Variants in KCNMA1 observed in about 807,000 individuals in gnomAD.
KCNMA1 encodes potassium calcium-activated channel subfamily M alpha 1.
KCNMA1 carries 29 observed loss-of-function variants against 140.0 expected under a neutral mutation model. The ratio of observed to expected loss-of-function variants is 0.21; its 90% CI spans 0.15 to 0.28. KCNMA1 has a LOEUF of 0.28. Among genes scored for constraint, KCNMA1 ranks in the 10% least tolerant of loss-of-function variants. The pLI is 1.00. For missense variants in KCNMA1, 880 were observed against 1,602.2 expected (o/e 0.55, Z 7.70); for synonymous variants, 612 against 611.9 (o/e 1.00, Z 0.00).
intron 5 of KCNMA1, among the ~76,000 whole-genome samples, chr10:77,177,341 T>C (rs1597987444): frequency 1.3e-5 from 2 of 150,124 alleles, no homozygotes; most frequent in African/African-American, 4.9e-5. Flanking sequence ...TTCCTTCCTT[T>C]CTTCCTTCCT....
chr10:77,477,026 G>A (rs1481177958), intron 1 of KCNMA1, among the ~76,000 whole-genome samples: 1 of 152,200 alleles, frequency 6.6e-6, no homozygotes, highest in African/African-American at 2.4e-5. Context: ...AAACCAGCAA[G>A]AGAACTGGCA....
chr10:76,958,376 T>G (rs2069280587), intron 20 of KCNMA1, among the ~76,000 whole-genome samples: 1 of 152,206 alleles, frequency 6.6e-6, no homozygotes, highest in African/African-American at 2.4e-5. Flanking sequence ...CATAATTAAT[T>G]CAAGGCTCAC....
chr10:77,391,641 TTTG>T (rs76730744), intron 2 of KCNMA1, among the ~76,000 whole-genome samples: 35 of 151,990 alleles, frequency 2.3e-4, no homozygotes, highest in Middle Eastern at 3.4e-3. Flanking sequence ...TGTTTGTTTG[TTTG>T]TTTTTTTCTG....
chr10:77,440,515 A>G (rs2097372484), intron 1 of KCNMA1, among the ~76,000 whole-genome samples: 1 of 152,228 alleles, frequency 6.6e-6, no homozygotes, highest in Non-Finnish European at 1.5e-5. Context: ...GACTCGGTCC[A>G]GGGGAGGGAG....
intron 3 of KCNMA1, among the ~76,000 whole-genome samples, chr10:77,189,392 G>A (rs1213624331): frequency 6.6e-6 from 1 of 152,000 alleles, no homozygotes; most frequent in East Asian, 1.9e-4. Flanking sequence ...CGAACAAGGG[G>A]GTGAAAAAAT....
At chr10:77,143,401 ACAAGTTGATT>A (rs1242020597) in intron 5 of KCNMA1, among the ~76,000 whole-genome samples, 1 of 152,176 alleles carries the variant, frequency 6.6e-6, no homozygotes, top group Non-Finnish European at 1.5e-5. Context: ...CCCCAAAAAG[ACAAGTTGATT>A]AATGAAACAG....
At chr10:77,594,287 C>T (rs2080132876) in intron 1 of KCNMA1, among the ~76,000 whole-genome samples, 1 of 152,170 alleles carries the variant, frequency 6.6e-6, no homozygotes, top group African/African-American at 2.4e-5. Context: ...CAAGAGACAA[C>T]TTCCTTTCTT....
At chr10:77,477,088 G>T (rs2098295668) in intron 1 of KCNMA1, among the ~76,000 whole-genome samples, 1 of 152,200 alleles carries the variant, frequency 6.6e-6, no homozygotes, top group Non-Finnish European at 1.5e-5. Context: ...TGCATGACTT[G>T]CCTCCTGCCG....
At chr10:77,286,469 C>A (rs7071666) in intron 2 of KCNMA1, among the ~76,000 whole-genome samples, 1 of 152,312 alleles carries the variant, frequency 6.6e-6, no homozygotes, top group East Asian at 1.9e-4. Context: ...CCTAAAATTA[C>A]GCCATATGCC....
At chr10:77,240,434 A>G (rs1050109460) in intron 3 of KCNMA1, among the ~76,000 whole-genome samples, 22 of 152,272 alleles carry the variant, frequency 1.4e-4, no homozygotes, top group East Asian at 9.7e-4. Flanking sequence ...TCTTAGAGAG[A>G]GAAGGGGTCC....
At chr10:77,445,115 G>A (rs1340959551) in intron 1 of KCNMA1, among the ~76,000 whole-genome samples, 2 of 152,094 alleles carry the variant, frequency 1.3e-5, no homozygotes, top group African/African-American at 4.8e-5. Flanking sequence ...GCAGCGTTTA[G>A]AGATGGAAAG....
intron 1 of KCNMA1, among the ~76,000 whole-genome samples, chr10:77,612,226 A>G (rs2087214293): frequency 6.6e-6 from 1 of 152,238 alleles, no homozygotes; most frequent in Non-Finnish European, 1.5e-5. Flanking sequence ...ACCCAGGCAC[A>G]TTCTAGGTCA....
intron 12 of KCNMA1, among the ~76,000 whole-genome samples, chr10:77,080,054 A>T (rs2096525950): frequency 6.6e-6 from 1 of 152,182 alleles, no homozygotes; most frequent in South Asian, 2.1e-4. Context: ...TGAGGAACAA[A>T]GAAGGCCATG....
intron 2 of KCNMA1, among the ~76,000 whole-genome samples, chr10:77,329,577 C>T (rs1025498488): frequency 6.6e-6 from 1 of 152,238 alleles, no homozygotes; most frequent in Non-Finnish European, 1.5e-5. Context: ...GTCAACCACA[C>T]AGTCTAGGTA....
intron 4 of KCNMA1, 71 bp downstream of exon 4, chr10:77,184,752 G>T (rs1230466587): frequency 1.1e-6 from 1 of 949,248 alleles, no homozygotes. Context: ...AGCAGAGGCT[G>T]AGGGGGATGA....
At chr10:77,200,867 T>C (rs1280867859) in intron 3 of KCNMA1, among the ~76,000 whole-genome samples, 2 of 152,180 alleles carry the variant, frequency 1.3e-5, no homozygotes, top group Non-Finnish European at 2.9e-5. Context: ...AAAATTACAG[T>C]GAACACTTCT....
At chr10:76,936,660 A>C (rs1477172915) in intron 23 of KCNMA1, among the ~76,000 whole-genome samples, 2 of 152,168 alleles carry the variant, frequency 1.3e-5, no homozygotes, top group African/African-American at 4.8e-5. Context: ...GTGAGGATAC[A>C]TGTATAGGTG....
chr10:77,487,834 G>A (rs901441702), intron 1 of KCNMA1, among the ~76,000 whole-genome samples: 2 of 152,168 alleles, frequency 1.3e-5, no homozygotes, highest in Non-Finnish European at 2.9e-5. Context: ...ATCACCTGGG[G>A]ATGTGTAAGA....
chr10:76,880,376 G>C (rs2034132715), downstream of KCNMA1, among the ~76,000 whole-genome samples: 1 of 152,108 alleles, frequency 6.6e-6, no homozygotes, highest in African/African-American at 2.4e-5. Context: ...CAAGGAGTGA[G>C]TTGTGTTAAC....
Sources: allele counts gnomAD v4.1 joint callset (sites outside exome capture counted in the v4.1 genomes callset), GRCh38; gene constraint gnomAD v4.1.1; transcripts MANE v1.5; gene names NCBI Gene and HGNC (gene_info 2026-07-23, HGNC 2026-07-21).